Variants in FILIP1 observed in about 807,000 individuals in gnomAD.
FILIP1 encodes filamin A interacting protein 1, also known as filamin-A-interacting protein 1.
FILIP1 carries 61 observed loss-of-function variants against 102.1 expected under a neutral mutation model. The observed-to-expected ratio is 0.60, with a 90% CI of 0.49 to 0.74. The LOEUF (loss-of-function observed/expected upper bound fraction) is 0.74, where lower values mean the gene tolerates loss of function less well. Ranked by LOEUF, FILIP1 falls within the 30% of genes least tolerant of loss-of-function variation. FILIP1 has a pLI of 0.00. For missense variants in FILIP1, 1,314 were observed against 1,441.2 expected, an observed-to-expected ratio of 0.91 and a Z score of 1.43; for synonymous variants, 491 against 526.9, an observed-to-expected ratio of 0.93 and a Z score of 0.93.
intron 4 of FILIP1, among the ~76,000 whole-genome samples, chr6:75,350,306 T>C (rs956146658): frequency 6.6e-6 from 1 of 152,126 alleles, no homozygotes; most frequent in Admixed American, 6.5e-5. Context: ...AAAGGTCTCT[T>C]AGTGAATTCT....
intron 1 of FILIP1, among the ~76,000 whole-genome samples, chr6:75,422,722 T>C (rs781126194): frequency 3.9e-5 from 6 of 152,198 alleles, no homozygotes; most frequent in African/African-American, 1.2e-4. Context: ...AACCACCTGA[T>C]AGACATTGGT....
chr6:75,313,764 T>G lies in FILIP1; in HGVS notation c.2068A>C (p.Lys690Gln). 2 of 1,596,904 alleles carry G rather than the reference T, an allele frequency of 1.3e-6. No homozygotes were observed. The highest frequency in any genetic ancestry group is 1.7e-6 in the Non-Finnish European group (2 of 1,173,836). Residue 690 changes from lysine to glutamine, a missense_variant, in exon 5 of 6, where the codon AAG becomes CAG. Around this residue, in one of 3 missense-constraint regions of FILIP1, gnomAD observed 816 missense variants for 913.1 expected, o/e 0.89. Transcript: ENST00000237172. This position sits in a 1 kb window ranked among gnomAD's most constrained non-coding sequence, Gnocchi z 4.2. ...QLEEIKHQIA[K>Q]NKAIEKGEVV... ...TCACCCTTCTCTATTGCTTTATTCTTGGCAATTTGGTGCTTGATCTCCTCT... is the reference window on the plus strand; with the variant it reads ...TCACCCTTCTCTATTGCTTTATTCTGGGCAATTTGGTGCTTGATCTCCTCT...
chr6:75,400,931 T>C (rs2149671341), intron 2 of FILIP1, among the ~76,000 whole-genome samples: 1 of 152,232 alleles, frequency 6.6e-6, no homozygotes, highest in East Asian at 1.9e-4. Flanking sequence ...AAAGCATCTG[T>C]GGAAGACAAA....
chr6:75,361,445 G>T (rs1043691541), intron 3 of FILIP1, among the ~76,000 whole-genome samples: 3 of 152,074 alleles, frequency 2.0e-5, no homozygotes, highest in Admixed American at 6.6e-5. Flanking sequence ...TCCAAGCTGA[G>T]TTCTCTAATC....
intron 1 of FILIP1, among the ~76,000 whole-genome samples, chr6:75,471,159 C>CAA (rs67671264): frequency 5.5e-5 from 4 of 72,270 alleles, no homozygotes; most frequent in South Asian, 5.3e-4. Flanking sequence ...GACCTTGTCT[C>CAA]AAAAAAAAAA....
chr6:75,401,593 T>A (rs1487143934), intron 2 of FILIP1, among the ~76,000 whole-genome samples: 1 of 152,192 alleles, frequency 6.6e-6, no homozygotes, highest in African/African-American at 2.4e-5. Context: ...TCTTATTAGC[T>A]ACATTTCAAG....
At chr6:75,433,257 T>C (rs1456843507) in intron 1 of FILIP1, among the ~76,000 whole-genome samples, 1 of 152,204 alleles carries the variant, frequency 6.6e-6, no homozygotes, top group Non-Finnish European at 1.5e-5. Context: ...TGCCACACTG[T>C]CTTCCACAGT....
intron 1 of FILIP1, among the ~76,000 whole-genome samples, chr6:75,473,372 G>T (rs1045702127): frequency 1.3e-5 from 2 of 152,110 alleles, no homozygotes; most frequent in African/African-American, 4.8e-5. Flanking sequence ...ACTTGAATGG[G>T]TTCTGAGTAT....
chr6:75,313,314 G>C lies in FILIP1; in HGVS notation c.2518C>G (p.Gln840Glu), dbSNP rs758784720. The change falls in exon 5 of 6, where the codon CAG becomes GAG. Residue 840 changes from glutamine (Q) to glutamate (E), a missense_variant. Transcript: ENST00000237172. The surrounding 1 kb of genome is among the most constrained non-coding windows in gnomAD (Gnocchi z 4.2). The part of the protein sequence containing the change: ...EENHIMSNLR[Q>E]VGLKKPVERS... Reference sequence around the variant, plus strand: ...TCCACGGGTTTCTTCAATCCCACCTGCCGAAGATTACTCATAATATGATTT... The same window carrying C: ...TCCACGGGTTTCTTCAATCCCACCTCCCGAAGATTACTCATAATATGATTT... 6.2e-7 allele frequency: 1 copy of C among 1,614,172 alleles called. No homozygotes were observed. Among genetic ancestry groups the C allele is most frequent in the East Asian group, 2.2e-5 (1 of 44,878 alleles).
intron 4 of FILIP1, among the ~76,000 whole-genome samples, chr6:75,320,637 A>C (rs187783378): frequency 1.3e-3 from 200 of 152,362 alleles, no homozygotes; most frequent in African/African-American, 4.7e-3. Context: ...GAGATGTATT[A>C]ACTAAAGTTC....
chr6:75,390,585 A>G (rs2998375), intron 2 of FILIP1, among the ~76,000 whole-genome samples: 3,898 of 152,144 alleles, frequency 0.026, 176 homozygotes, highest in African/African-American at 0.089. Flanking sequence ...CCACTTTTTA[A>G]ATGACCAGAT....
chr6:75,356,921 A>ACAT (rs773782095), intron 3 of FILIP1, among the ~76,000 whole-genome samples: 2 of 152,268 alleles, frequency 1.3e-5, no homozygotes, highest in East Asian at 1.9e-4. Flanking sequence ...CATTGCTGAA[A>ACAT]CATCATCATC....
intron 1 of FILIP1, among the ~76,000 whole-genome samples, chr6:75,442,795 C>T (rs2149724227): frequency 1.3e-5 from 2 of 152,224 alleles, no homozygotes; most frequent in Middle Eastern, 6.8e-3. Flanking sequence ...TCTTTCTTCC[C>T]ACTCTATTTC....
At chr6:75,474,967 C>A (rs983821907) in intron 1 of FILIP1, among the ~76,000 whole-genome samples, 3 of 152,090 alleles carry the variant, frequency 2.0e-5, no homozygotes, top group African/African-American at 7.2e-5. Context: ...GCCTACTCCC[C>A]CTTCACCTTC....
In FILIP1 at chr6:75,362,774, T is replaced by C; in HGVS notation, c.420A>G (p.Gly140=). 6.2e-7 allele frequency: 1 copy of C among 1,613,664 alleles called. No homozygotes were observed. The highest frequency in any genetic ancestry group is 8.5e-7 in the Non-Finnish European group (1 of 1,179,970). Residue 140 remains glycine, a synonymous_variant, in exon 3 of 6, where the codon GGA becomes GGG. Transcript: ENST00000237172. ...AAATCGGTTTCTCATAGACATCTTC[T>C]CCTATGGATTTCTCCTGGGCAAGAA... is the stretch of plus-strand genomic sequence containing the variant. ...DAILAQEKSI[G]EDVYEKPISE...
intron 2 of FILIP1, among the ~76,000 whole-genome samples, chr6:75,383,632 T>C (rs551024574): frequency 1.3e-5 from 2 of 152,334 alleles, no homozygotes; most frequent in Non-Finnish European, 1.5e-5. Flanking sequence ...TCTGTAGATA[T>C]ACAAATGTAG....
chr6:75,437,988 G>T (rs1345299794), intron 1 of FILIP1, among the ~76,000 whole-genome samples: 1 of 152,112 alleles, frequency 6.6e-6, no homozygotes, highest in Non-Finnish European at 1.5e-5. Flanking sequence ...TAAAGACAAG[G>T]CCCTGTGTAT....
At chr6:75,440,421 G>C (rs998232551) in intron 1 of FILIP1, among the ~76,000 whole-genome samples, 6 of 152,184 alleles carry the variant, frequency 3.9e-5, no homozygotes, top group African/African-American at 1.4e-4. Flanking sequence ...AATTGCAGGT[G>C]AAGAGAATTT....
At chr6:75,467,968 C>A (rs908708802) in intron 1 of FILIP1, among the ~76,000 whole-genome samples, 2 of 152,126 alleles carry the variant, frequency 1.3e-5, no homozygotes, top group Non-Finnish European at 2.9e-5. Flanking sequence ...CAAAGAGTAG[C>A]AACAGGAGTT....
Sources: allele counts gnomAD v4.1 joint callset (sites outside exome capture counted in the v4.1 genomes callset), GRCh38; gene constraint gnomAD v4.1.1; regional missense constraint gnomAD v4.1.1; non-coding constraint Gnocchi (gnomAD v3.1); transcripts MANE v1.5; gene names NCBI Gene and HGNC (gene_info 2026-07-23, HGNC 2026-07-21).